The following TENM4 variants were observed in gnomAD, a reference collection of about 807,000 sequenced individuals.
TENM4 encodes teneurin-4.
Under a neutral mutation model 243.3 loss-of-function variants are expected in TENM4, and 82 were observed. The observed-to-expected ratio is 0.34, with a 90% CI of 0.28 to 0.40. The LOEUF is 0.40. Among genes scored for constraint, TENM4 ranks in the 10% least tolerant of loss-of-function variants. The pLI is 1.00. For synonymous variants in TENM4, 1,412 were observed against 1,456.3 expected, an observed-to-expected ratio of 0.97 and a Z score of 0.69; for missense variants, 3,138 against 3,673.3, an observed-to-expected ratio of 0.85 and a Z score of 3.77.
At chr11:78,881,954 G>C (rs1239837764) in intron 9 of TENM4, among the ~76,000 whole-genome samples, 1 of 152,178 alleles carries the variant, frequency 6.6e-6, no homozygotes, top group Non-Finnish European at 1.5e-5. Context: ...CAGCATGAAG[G>C]AATCGATCTT....
At chr11:78,979,975 T>C (rs1857755951) in intron 6 of TENM4, among the ~76,000 whole-genome samples, 1 of 152,216 alleles carries the variant, frequency 6.6e-6, no homozygotes, top group South Asian at 2.1e-4. Context: ...ATTTGTGCTA[T>C]TCCACTTAAT....
chr11:78,911,659 G>C (rs112803011), intron 6 of TENM4, among the ~76,000 whole-genome samples: 1,754 of 152,318 alleles, frequency 0.012, 41 homozygotes, highest in African/African-American at 0.04. Context: ...CCAGTAGTGG[G>C]TCTGGTGGCT....
chr11:78,658,754 C>T lies in TENM4; in HGVS notation c.7614G>A (p.Arg2538=). 1 of 1,613,928 alleles carries T rather than the reference C, an allele frequency of 6.2e-7. No homozygotes were observed. The highest frequency in any genetic ancestry group is 8.5e-7 in the Non-Finnish European group (1 of 1,179,884). The stretch of plus-strand genomic sequence containing the variant: ...TTGTGGAGCCATAGAGCTGGTCAAA[C>T]CGTTCTAAGGTGACAAAGGCCTTGA... The part of the protein sequence containing the change: ...KQLKAFVTLE[R]FDQLYGSTIT... Residue 2538 remains arginine (R), a synonymous_variant, in exon 34 of 34, where the codon CGG becomes CGA. Coordinates refer to ENST00000278550, the MANE Select transcript of TENM4 (RefSeq NM_001098816.3).
At chr11:78,696,708 T>C (rs1395669973) in intron 28 of TENM4, among the ~76,000 whole-genome samples, 1 of 152,218 alleles carries the variant, frequency 6.6e-6, no homozygotes, top group Non-Finnish European at 1.5e-5. Context: ...GGTCCTCCCT[T>C]TGTGCTGACT....
At chr11:79,029,850 C>T (rs540363002) in intron 6 of TENM4, among the ~76,000 whole-genome samples, 1 of 152,258 alleles carries the variant, frequency 6.6e-6, no homozygotes, top group Middle Eastern at 3.4e-3. Flanking sequence ...TCGGTAACAG[C>T]TTTTATTTTG....
In TENM4 at chr11:79,155,446, T is replaced by C. The variant is rs557946823; in HGVS notation, c.-162-6640A>G. Reference sequence around the variant, plus strand: ...CCATAGAACAACAGACAGGTTAATATGGGTTTTTAAGAATGCCATTTCCTC... The same window carrying C: ...CCATAGAACAACAGACAGGTTAATACGGGTTTTTAAGAATGCCATTTCCTC... On this transcript the variant is annotated intron_variant, in intron 3 of 33. Transcript: ENST00000278550. Among the ~76,000 whole-genome samples, 10 of 152,074 alleles carry C rather than the reference T, an allele frequency of 6.6e-5. No individual in the cohort carries two copies. The South Asian group carries it at 1.9e-3, about 28-fold the overall frequency.
At chr11:78,913,651 C>T (rs998654442) in intron 6 of TENM4, among the ~76,000 whole-genome samples, 3 of 149,234 alleles carry the variant, frequency 2.0e-5, no homozygotes, top group Admixed American at 6.7e-5. Flanking sequence ...TGGAATTCAG[C>T]TCAACAGGAG....
intron 3 of TENM4, among the ~76,000 whole-genome samples, chr11:79,155,189 G>A (rs192312471): frequency 3.9e-5 from 6 of 152,288 alleles, no homozygotes; most frequent in African/African-American, 1.2e-4. Context: ...ACCCAGAAGA[G>A]GGACAGATCC....
intron 1 of TENM4, among the ~76,000 whole-genome samples, chr11:79,329,463 C>T (rs1857026610): frequency 6.6e-6 from 1 of 152,200 alleles, no homozygotes; most frequent in African/African-American, 2.4e-5. Flanking sequence ...GCAAATTAAG[C>T]AGCAAACATA....
intron 6 of TENM4, among the ~76,000 whole-genome samples, chr11:79,061,307 T>C (rs1172079441): frequency 6.6e-6 from 1 of 152,154 alleles, no homozygotes; most frequent in Non-Finnish European, 1.5e-5. Flanking sequence ...TTTGGGCACC[T>C]ATGGGGAGTC....
chr11:79,361,557 CCCTGT>C (rs982963718), intron 1 of TENM4, among the ~76,000 whole-genome samples: 2 of 152,162 alleles, frequency 1.3e-5, no homozygotes, highest in African/African-American at 2.4e-5. Context: ...CTTCTTGAGT[CCCTGT>C]CCTTATCCAC....
chr11:78,996,930 G>T (rs775007255), intron 6 of TENM4, among the ~76,000 whole-genome samples: 1 of 152,090 alleles, frequency 6.6e-6, no homozygotes, highest in Non-Finnish European at 1.5e-5. Context: ...CAAGGGGTGC[G>T]ATGTGAAGGT....
chr11:79,090,381 T>C (rs1387557944), intron 4 of TENM4, among the ~76,000 whole-genome samples: 1 of 152,270 alleles, frequency 6.6e-6, no homozygotes, highest in Non-Finnish European at 1.5e-5. Context: ...TCAGCGTGAC[T>C]GATGCTTCCT....
intron 2 of TENM4, among the ~76,000 whole-genome samples, chr11:79,232,460 C>A (rs1009820221): frequency 6.6e-6 from 1 of 152,200 alleles, no homozygotes; most frequent in Non-Finnish European, 1.5e-5. Flanking sequence ...GCAGTGACTG[C>A]GAGTGAGTTT....
intron 6 of TENM4, among the ~76,000 whole-genome samples, chr11:78,957,755 C>A (rs554949303): frequency 6.6e-6 from 1 of 152,318 alleles, no homozygotes; most frequent in Admixed American, 6.5e-5. Flanking sequence ...AAGTTTGGCT[C>A]TGAGGAAGCT....
At chr11:78,995,968 C>A (rs574506865) in intron 6 of TENM4, among the ~76,000 whole-genome samples, 1 of 152,250 alleles carries the variant, frequency 6.6e-6, no homozygotes, top group South Asian at 2.1e-4. Flanking sequence ...TGAGCCTAAA[C>A]TGAGATCGCT....
rs537394604 is a variant in TENM4 at position 79,364,164 on chromosome 11, A to G, written c.-320-66621T>C. On this transcript the variant is annotated intron_variant, in intron 1 of 33. Transcript: ENST00000278550. ...TGTCTATGAAAAGAAAAGATGAGTAATCTTAGCTCTGTCATGGAAACTATT... is the reference window on the plus strand; with the variant it reads ...TGTCTATGAAAAGAAAAGATGAGTAGTCTTAGCTCTGTCATGGAAACTATT... Among the ~76,000 whole-genome samples, 8 of 152,308 alleles carry G rather than the reference A, an allele frequency of 5.3e-5. No individual in the cohort carries two copies. The South Asian group carries it at 1.2e-3, about 24-fold the overall frequency.
chr11:79,334,657 A>G (rs1201890213), intron 1 of TENM4, among the ~76,000 whole-genome samples: 2 of 152,230 alleles, frequency 1.3e-5, no homozygotes, highest in Admixed American at 6.5e-5. Context: ...ATAGGTTCAA[A>G]GAAATCCTAC....
At chr11:78,967,812 G>A (rs620777) in intron 6 of TENM4, among the ~76,000 whole-genome samples, 44,889 of 152,132 alleles carry the variant, frequency 0.3, 7,451 homozygotes, top group Non-Finnish European at 0.38. Flanking sequence ...ACAACCAAGA[G>A]GACCAGTGAA....
Sources: allele counts gnomAD v4.1 joint callset (sites outside exome capture counted in the v4.1 genomes callset), GRCh38; gene constraint gnomAD v4.1.1; transcripts MANE v1.5; gene names NCBI Gene and HGNC (gene_info 2026-07-23, HGNC 2026-07-21).